MDGA2: variants seen among roughly 807,000 people sequenced by gnomAD.
MDGA2 encodes MAM domain containing glycosylphosphatidylinositol anchor 2.
MDGA2 carries 40 observed loss-of-function variants against 117.8 expected under a neutral mutation model. The ratio of observed to expected loss-of-function variants is 0.34; its 90% CI spans 0.26 to 0.44. The LOEUF is 0.44. Among genes scored for constraint, MDGA2 ranks in the 20% least tolerant of loss-of-function variants. MDGA2 has a pLI of 1.00. For synonymous variants in MDGA2, 452 were observed against 439.0 expected (o/e 1.03, Z -0.37); for missense variants, 1,123 against 1,250.6 (o/e 0.90, Z 1.54).
chr14:47,432,973 T>C (rs1451574360), intron 1 of MDGA2, among the ~76,000 whole-genome samples: 2 of 152,000 alleles, frequency 1.3e-5, no homozygotes, highest in East Asian at 3.9e-4. Context: ...CCAGGAACTG[T>C]GTCAAATACT....
intron 3 of MDGA2, among the ~76,000 whole-genome samples, chr14:47,166,608 C>T (rs1369983236): frequency 2.0e-5 from 3 of 152,060 alleles, no homozygotes; most frequent in Non-Finnish European, 4.4e-5. Flanking sequence ...TAGAATAGTC[C>T]TCAAAAGAGA....
At chr14:47,365,115 G>A (rs922125577) in intron 1 of MDGA2, among the ~76,000 whole-genome samples, 2 of 152,182 alleles carry the variant, frequency 1.3e-5, no homozygotes, top group Admixed American at 6.5e-5. Context: ...CTAAACAGTT[G>A]CCCAAGCGTA....
chr14:47,395,470 C>T (rs1198939745), intron 1 of MDGA2, among the ~76,000 whole-genome samples: 1 of 152,020 alleles, frequency 6.6e-6, no homozygotes, highest in Non-Finnish European at 1.5e-5. Context: ...GACTTTATGG[C>T]AAGTGCCAAA....
intron 5 of MDGA2, among the ~76,000 whole-genome samples, chr14:47,100,292 T>A (rs1594619612): frequency 1.3e-5 from 2 of 152,090 alleles, no homozygotes; most frequent in East Asian, 3.9e-4. Flanking sequence ...TTTCACAATG[T>A]CCTGAAACTG....
At chr14:47,106,444 G>A (rs1880683259) in intron 5 of MDGA2, among the ~76,000 whole-genome samples, 2 of 151,960 alleles carry the variant, frequency 1.3e-5, no homozygotes, top group South Asian at 2.1e-4. Context: ...TCCTCCCACA[G>A]GAGCTTGCTA....
chr14:47,389,164 C>T (rs1566765393), intron 1 of MDGA2, among the ~76,000 whole-genome samples: 2 of 143,264 alleles, frequency 1.4e-5, no homozygotes, highest in Admixed American at 6.7e-5. Flanking sequence ...CAAATACATC[C>T]AGCACAGTAC....
At chr14:47,459,533 TTC>T (rs887823203) in intron 1 of MDGA2, among the ~76,000 whole-genome samples, 98 of 132,566 alleles carry the variant, frequency 7.4e-4, no homozygotes, top group African/African-American at 2.2e-3. Context: ...CCTCCCTCCC[TTC>T]TCTTTCTTTC....
intron 7 of MDGA2, among the ~76,000 whole-genome samples, chr14:47,057,092 GC>G (rs1054034775): frequency 1.3e-5 from 2 of 151,982 alleles, no homozygotes. Flanking sequence ...ATGAATATCA[GC>G]CCTACAGTAA....
At chr14:47,264,396 A>C (rs990424818) in intron 2 of MDGA2, among the ~76,000 whole-genome samples, 2 of 152,160 alleles carry the variant, frequency 1.3e-5, no homozygotes, top group African/African-American at 4.8e-5. Flanking sequence ...ACCATTTCTT[A>C]AAGCATATTT....
At chr14:46,863,889 AAG>A (rs2138330330) in intron 14 of MDGA2, among the ~76,000 whole-genome samples, 1 of 152,282 alleles carries the variant, frequency 6.6e-6, no homozygotes, top group South Asian at 2.1e-4. Flanking sequence ...TACCTGTAAA[AAG>A]AGTTTTATTA....
intron 1 of MDGA2, among the ~76,000 whole-genome samples, chr14:47,471,188 T>C (rs1893720312): frequency 6.6e-6 from 1 of 152,012 alleles, no homozygotes; most frequent in Admixed American, 6.6e-5. Context: ...AGAATAAAAA[T>C]TAAAGATGAG....
At position 47,370,468 on chromosome 14, in the gene MDGA2, G is replaced by GTT. The variant is rs67255552; in HGVS notation, c.281-68920_281-68919dup. Reference sequence around the variant, plus strand: ...TTACTATTTTCTAGGTCTACTTACTGTTTTTTTTTTTTTTTTTTTTTTTTT... The same window carrying GTT: ...TTACTATTTTCTAGGTCTACTTACTGTTTTTTTTTTTTTTTTTTTTTTTTTTT... On this transcript the variant is annotated intron_variant, in intron 1 of 16. Coordinates refer to ENST00000399232, the MANE Select transcript of MDGA2 (RefSeq NM_001113498.3). Among the ~76,000 whole-genome samples the GTT allele has an allele frequency of 5.8e-3, 119 of 20,672 alleles. 52 individuals are homozygous for GTT. The highest frequency in any genetic ancestry group is 9.4e-3 in the Non-Finnish European group (94 of 9,976). The allele number at this position is 20,672 out of a possible 152,430, so 13.6% of individuals were successfully genotyped here.
intron 1 of MDGA2, among the ~76,000 whole-genome samples, chr14:47,319,875 G>T (rs1435988322): frequency 6.6e-6 from 1 of 152,182 alleles, no homozygotes; most frequent in Non-Finnish European, 1.5e-5. Context: ...TTTATTTAGA[G>T]TTAGGATCTT....
At chr14:47,129,156 A>C (rs1372914821) in intron 5 of MDGA2, among the ~76,000 whole-genome samples, 2 of 151,834 alleles carry the variant, frequency 1.3e-5, no homozygotes, top group African/African-American at 2.4e-5. Flanking sequence ...CAGGTTAGTT[A>C]CATATGTATA....
intron 5 of MDGA2, among the ~76,000 whole-genome samples, chr14:47,101,596 A>T (rs1880328452): frequency 6.6e-6 from 1 of 152,176 alleles, no homozygotes; most frequent in African/African-American, 2.4e-5. Context: ...GACAGCTCCC[A>T]GTCCCACAAT....
intron 1 of MDGA2, among the ~76,000 whole-genome samples, chr14:47,397,072 G>A (rs1355542331): frequency 6.6e-6 from 1 of 152,084 alleles, no homozygotes; most frequent in African/African-American, 2.4e-5. Context: ...CAAAGACTTG[G>A]AACCAACACA....
chr14:47,011,662 CTG>C (rs1336307179), intron 8 of MDGA2, among the ~76,000 whole-genome samples: 1 of 151,856 alleles, frequency 6.6e-6, no homozygotes, highest in African/African-American at 2.4e-5. Flanking sequence ...AAAAATGACA[CTG>C]TTAAATGCAT....
chr14:47,373,607 C>T (rs1355682169), intron 1 of MDGA2, among the ~76,000 whole-genome samples: 3 of 151,914 alleles, frequency 2.0e-5, no homozygotes, highest in Non-Finnish European at 2.9e-5. Context: ...AAAAAGGAGG[C>T]CTATAGAGAC....
intron 3 of MDGA2, among the ~76,000 whole-genome samples, chr14:47,150,757 C>A (rs1883129341): frequency 6.6e-6 from 1 of 151,900 alleles, no homozygotes; most frequent in Non-Finnish European, 1.5e-5. Flanking sequence ...AACCTTGTCT[C>A]TACTAAAAAT....
Sources: allele counts gnomAD v4.1 joint callset (sites outside exome capture counted in the v4.1 genomes callset), GRCh38; gene constraint gnomAD v4.1.1; transcripts MANE v1.5; gene names NCBI Gene and HGNC (gene_info 2026-07-23, HGNC 2026-07-21).